Variants in KDM7A observed in about 807,000 individuals in gnomAD.
KDM7A encodes lysine demethylase 7A.
Under a neutral mutation model 114.8 loss-of-function variants are expected in KDM7A, and 28 were observed. The observed-to-expected ratio is 0.24, with a 90% CI of 0.18 to 0.33. The LOEUF is 0.33. Among genes scored for constraint, KDM7A ranks in the 10% least tolerant of loss-of-function variants. The pLI is 1.00. For synonymous variants in KDM7A, 423 were observed against 397.8 expected, an observed-to-expected ratio of 1.06 and a Z score of -0.75; for missense variants, 942 against 1,142.5, an observed-to-expected ratio of 0.82 and a Z score of 2.53.
In KDM7A at chr7:140,088,888, GTTTAAT is replaced by G. The variant is rs1164523706; in HGVS notation, c.*2200_*2205del. On this transcript the variant is annotated 3_prime_UTR_variant, in exon 20 of 20. Transcript: ENST00000397560. ...TTTCATTTTAATTCATAAAAATAAA[GTTTAAT>G]TTTAATTTTTGTGACTAAAGAAAAA... 1 of 167,400 alleles carries G rather than the reference GTTTAAT, an allele frequency of 6.0e-6. No individual in the cohort carries two copies. The highest frequency in any genetic ancestry group is 1.3e-5 in the Non-Finnish European group (1 of 78,772). The allele number at this position is 167,400 out of a possible 1,614,324, so 10.4% of individuals were successfully genotyped here. A position where few individuals can be genotyped will look rare whatever the true frequency, so the allele number is the denominator to read the frequency against.
Position 140,088,147 on chromosome 7 carries a change from T to C in KDM7A, c.*2947A>G, listed in dbSNP as rs1315055666. The stretch of plus-strand genomic sequence containing the variant: ...GATGGGCTTGTTTCCTCTGAGTTTA[T>C]GATTTCAGTCAGAATCTTCAATTCT... On this transcript the variant is annotated 3_prime_UTR_variant, in exon 20 of 20. Coordinates refer to ENST00000397560, the MANE Select transcript of KDM7A (RefSeq NM_030647.2). 1.1e-5 allele frequency: 2 copies of C among 190,256 alleles called. No individual in the cohort carries two copies. The highest frequency in any genetic ancestry group is 1.3e-4 in the East Asian group (1 of 7,982). 11.8% of individuals were successfully genotyped at this position (190,256 alleles called of 1,614,324 possible).
At chr7:140,100,686 A>ATATATATATATATATATGTG in intron 12 of KDM7A, among the ~76,000 whole-genome samples, 7 of 33,576 alleles carry the variant, frequency 2.1e-4, no homozygotes, top group African/African-American at 1.0e-3. Flanking sequence ...ATATACATAT[A>ATATATATATATATATATGTG]TACATATATA....
intron 1 of KDM7A, among the ~76,000 whole-genome samples, chr7:140,145,304 C>T (rs894190206): frequency 6.6e-6 from 1 of 151,922 alleles, no homozygotes; most frequent in African/African-American, 2.4e-5. Context: ...TGTAAGTGGT[C>T]AAAAAAGATG....
At chr7:140,142,556 A>C (rs899772733) in intron 1 of KDM7A, among the ~76,000 whole-genome samples, 1 of 152,210 alleles carries the variant, frequency 6.6e-6, no homozygotes, top group African/African-American at 2.4e-5. Flanking sequence ...AGTTAAAAGC[A>C]CAATAAATAC....
intron 2 of KDM7A, among the ~76,000 whole-genome samples, chr7:140,134,427 G>C (rs1818836884): frequency 6.6e-6 from 1 of 152,158 alleles, no homozygotes; most frequent in South Asian, 2.1e-4. Context: ...AAACTGTGTG[G>C]AAGAACCCTT....
chr7:140,120,592 A>C (rs548492408), intron 7 of KDM7A, 63 bp from the exon 8 acceptor site: 7 of 919,804 alleles, frequency 7.6e-6, no homozygotes, highest in Non-Finnish European at 1.3e-5. Flanking sequence ...CCAATAGGAT[A>C]TCTACCTGTG....
At chr7:140,092,144 G>A in intron 18 of KDM7A, 67 bp from the exon 19 acceptor site, 1 of 1,462,104 alleles carries the variant, frequency 6.8e-7, no homozygotes, top group Non-Finnish European at 9.4e-7. Context: ...AGCTCTCTAT[G>A]CATTGGCAAA....
chr7:140,163,051 G>A lies in KDM7A; in HGVS notation c.194+13693C>T, dbSNP rs188267499. On this transcript the variant is annotated intron_variant, in intron 1 of 19. Coordinates refer to ENST00000397560, the MANE Select transcript of KDM7A (RefSeq NM_030647.2). Reference sequence around the variant, plus strand: ...GCTCTGTCACCCAGGCTGGAGTGCAGTGGCACTATCTCGGCTCACTGCAAG... The same window carrying A: ...GCTCTGTCACCCAGGCTGGAGTGCAATGGCACTATCTCGGCTCACTGCAAG... Among the ~76,000 whole-genome samples the A allele has an allele frequency of 1.8e-3, 276 of 149,840 alleles. 2 individuals are homozygous for A. Among genetic ancestry groups the A allele is most frequent in the African/African-American group, 6.6e-3 (266 of 40,474 alleles).
chr7:140,101,613 C>A (rs1355754447), intron 12 of KDM7A, among the ~76,000 whole-genome samples: 1 of 152,124 alleles, frequency 6.6e-6, no homozygotes, highest in African/African-American at 2.4e-5. Flanking sequence ...CTCTGTCTCC[C>A]CATCCTTCCA....
At chr7:140,146,092 G>A (rs947038627) in intron 1 of KDM7A, among the ~76,000 whole-genome samples, 1 of 151,958 alleles carries the variant, frequency 6.6e-6, no homozygotes, top group Non-Finnish European at 1.5e-5. Context: ...CTAATCAACT[G>A]GTAAAACATT....
rs1817909430 is a variant in KDM7A, at chr7:140,085,364, C to T, written c.*5730G>A. 6.6e-6 allele frequency: 1 copy of T among 152,096 alleles called. No individual in the cohort carries two copies. Among genetic ancestry groups the T allele is most frequent in the African/African-American group, 2.4e-5 (1 of 41,404 alleles). The allele number at this position is 152,096 out of a possible 1,614,324, so 9.4% of individuals were successfully genotyped here. A position where few individuals can be genotyped will look rare whatever the true frequency, so the allele number is the denominator to read the frequency against. On this transcript the variant is annotated 3_prime_UTR_variant, in exon 20 of 20. Coordinates refer to ENST00000397560, the MANE Select transcript of KDM7A (RefSeq NM_030647.2). ...TCTCCAAAGTTCACAGATTTGAAAC[C>T]TCTAAAACCAATACTACCCCTCCCC...
chr7:140,143,848 GTTTAC>G, intron 1 of KDM7A, among the ~76,000 whole-genome samples: 1 of 152,236 alleles, frequency 6.6e-6, no homozygotes, highest in South Asian at 2.1e-4. Context: ...TAGAACATAA[GTTTAC>G]TTTATTTGTC....
chr7:140,137,684 T>C (rs1818894018), intron 2 of KDM7A, among the ~76,000 whole-genome samples: 2 of 152,226 alleles, frequency 1.3e-5, no homozygotes, highest in African/African-American at 4.8e-5. Context: ...ACAAAAGGAA[T>C]AGCCTCTATT....
chr7:140,089,003 G>A lies in KDM7A; in HGVS notation c.*2091C>T, dbSNP rs1817978010. On this transcript the variant is annotated 3_prime_UTR_variant, in exon 20 of 20. Transcript: ENST00000397560. The stretch of plus-strand genomic sequence containing the variant: ...GATATAACACGAAAAGGAAATTATA[G>A]CTCTTACACCTCGTATTTCTTAACC... The A allele has an allele frequency of 6.6e-6, 1 of 152,132 alleles. No homozygotes were observed. The highest frequency in any genetic ancestry group is 1.5e-5 in the Non-Finnish European group (1 of 68,068). The allele number at this position is 152,132 out of a possible 1,614,324, so 9.4% of individuals were successfully genotyped here.
chr7:140,148,633 A>C (rs1403579198), intron 1 of KDM7A, among the ~76,000 whole-genome samples: 1 of 152,194 alleles, frequency 6.6e-6, no homozygotes, highest in Non-Finnish European at 1.5e-5. Context: ...TTTCACTTTT[A>C]AATTGTTAAT....
intron 1 of KDM7A, among the ~76,000 whole-genome samples, chr7:140,142,019 TA>T (rs1562956642): frequency 7.3e-6 from 1 of 136,106 alleles, no homozygotes; most frequent in Non-Finnish European, 1.7e-5. Context: ...ATATATAATA[TA>T]TATTTATATA....
At chr7:140,144,470 C>T (rs1454413226) in intron 1 of KDM7A, among the ~76,000 whole-genome samples, 2 of 152,036 alleles carry the variant, frequency 1.3e-5, no homozygotes, top group Non-Finnish European at 2.9e-5. Context: ...ACCAAAAGCA[C>T]ACGGGACAAA....
intron 1 of KDM7A, among the ~76,000 whole-genome samples, chr7:140,159,241 G>C (rs2116846305): frequency 6.6e-6 from 1 of 152,290 alleles, no homozygotes; most frequent in Middle Eastern, 3.4e-3. Flanking sequence ...CAACTACTCA[G>C]GAGGCTGAGG....
At chr7:140,119,909 A>C (rs1217500979) in intron 8 of KDM7A, among the ~76,000 whole-genome samples, 1 of 152,206 alleles carries the variant, frequency 6.6e-6, no homozygotes, top group East Asian at 1.9e-4. Context: ...GCAGTTTATC[A>C]ATCAGGAATC....
Sources: allele counts gnomAD v4.1 joint callset (sites outside exome capture counted in the v4.1 genomes callset), GRCh38; gene constraint gnomAD v4.1.1; transcripts MANE v1.5; gene names NCBI Gene and HGNC (gene_info 2026-07-23, HGNC 2026-07-21).